Variants in CLVS1 observed in about 807,000 individuals in gnomAD.
The protein encoded by CLVS1 is clavesin-1.
In CLVS1, 10 loss-of-function variants were observed where a neutral mutation model predicts 33.1. The ratio of observed to expected loss-of-function variants is 0.30; its 90% CI spans 0.19 to 0.51. CLVS1 has a LOEUF of 0.51. Ranked by LOEUF, CLVS1 falls within the 20% of genes least tolerant of loss-of-function variation. The pLI is 0.97. For synonymous variants in CLVS1, 163 were observed against 166.1 expected, an observed-to-expected ratio of 0.98 and a Z score of 0.14; for missense variants, 343 against 433.4, an observed-to-expected ratio of 0.79 and a Z score of 1.85.
chr8:61,403,786 T>C (rs1171385017), intron 3 of CLVS1, among the ~76,000 whole-genome samples: 2 of 152,154 alleles, frequency 1.3e-5, no homozygotes, highest in Non-Finnish European at 2.9e-5. Flanking sequence ...AGCAGTTGGA[T>C]TTGTATGTAC....
At chr8:61,212,289 G>T (rs911478120) in intron 2 of CLVS1, among the ~76,000 whole-genome samples, 6 of 152,338 alleles carry the variant, frequency 3.9e-5, no homozygotes, top group African/African-American at 1.4e-4. Context: ...AGAAGGAAGA[G>T]TGCGGATCAA....
intron 2 of CLVS1, among the ~76,000 whole-genome samples, chr8:61,136,765 A>T (rs1806197963): frequency 6.6e-6 from 1 of 152,180 alleles, no homozygotes; most frequent in African/African-American, 2.4e-5. Flanking sequence ...TGATGGAATA[A>T]TCTGTACAGC....
chr8:61,108,973 T>C (rs1028767779), intron 1 of CLVS1, among the ~76,000 whole-genome samples: 1 of 152,180 alleles, frequency 6.6e-6, no homozygotes, highest in African/African-American at 2.4e-5. Flanking sequence ...AGATGCCAGA[T>C]GGAGGGAAAG....
chr8:61,079,569 G>A (rs188529051), intron 1 of CLVS1, among the ~76,000 whole-genome samples: 328 of 152,296 alleles, frequency 2.2e-3, no homozygotes, highest in Middle Eastern at 6.8e-3. Flanking sequence ...TTGCTGCCTG[G>A]TCCTCCCAAG....
chr8:61,383,578 T>C (rs535151783), intron 3 of CLVS1, among the ~76,000 whole-genome samples: 1 of 152,218 alleles, frequency 6.6e-6, no homozygotes, highest in Non-Finnish European at 1.5e-5. Context: ...AGCTGTAATT[T>C]TGAATTTGCA....
intron 2 of CLVS1, among the ~76,000 whole-genome samples, chr8:61,247,225 CT>C (rs989010474): frequency 6.6e-6 from 1 of 152,080 alleles, no homozygotes; most frequent in African/African-American, 2.4e-5. Flanking sequence ...GATTCCATGT[CT>C]TTGATATCAT....
rs1816161313 is a variant in CLVS1, at chr8:61,432,751, A to C, written c.631-21390A>C. Among the ~76,000 whole-genome samples the C allele has an allele frequency of 2.0e-5, 3 of 152,254 alleles. No individual in the cohort carries two copies. The South Asian group carries it at 6.2e-4, about 32-fold the overall frequency. On this transcript the variant is annotated intron_variant, in intron 3 of 5. Coordinates refer to ENST00000325897, the MANE Select transcript of CLVS1 (RefSeq NM_173519.3). ...ACTTGACTCAGTAGTTTGAGACAACAAAGTATAAACCGAAAAGTGACCGAG... is the reference window on the plus strand; with the variant it reads ...ACTTGACTCAGTAGTTTGAGACAACCAAGTATAAACCGAAAAGTGACCGAG...
At chr8:61,455,486 T>C (rs548522414) in intron 4 of CLVS1, among the ~76,000 whole-genome samples, 1 of 152,298 alleles carries the variant, frequency 6.6e-6, no homozygotes, top group East Asian at 1.9e-4. Context: ...GGCTTATTTT[T>C]GTTAATATAA....
chr8:60,980,502 G>A, the CLVS1 span, among the ~76,000 whole-genome samples: 1 of 152,196 alleles, frequency 6.6e-6, no homozygotes, highest in African/African-American at 2.4e-5. Context: ...TTTGGAAAAA[G>A]GGGCCGGGTG....
At chr8:60,978,731 C>A in the CLVS1 span, among the ~76,000 whole-genome samples, 1 of 135,504 alleles carries the variant, frequency 7.4e-6, no homozygotes, top group African/African-American at 2.7e-5. Flanking sequence ...AGGAGAATTG[C>A]TTGAACACGG....
intron 2 of CLVS1, among the ~76,000 whole-genome samples, chr8:61,311,936 A>C (rs1810846056): frequency 6.6e-6 from 1 of 152,218 alleles, no homozygotes; most frequent in African/African-American, 2.4e-5. Context: ...AAAAGAGGGC[A>C]TGTAGAAAGG....
chr8:61,477,463 G>T (rs974265367), intron 5 of CLVS1, among the ~76,000 whole-genome samples: 9 of 152,112 alleles, frequency 5.9e-5, no homozygotes, highest in South Asian at 4.1e-4. Context: ...ATTAATTATT[G>T]CCTCAATTCA....
intron 1 of CLVS1, among the ~76,000 whole-genome samples, chr8:61,086,078 T>G (rs1183077789): frequency 9.3e-6 from 1 of 106,970 alleles, no homozygotes. Context: ...AAAAAAAAAA[T>G]TAGCTTGTTG....
chr8:61,250,499 A>G (rs555466210), intron 2 of CLVS1, among the ~76,000 whole-genome samples: 4 of 152,064 alleles, frequency 2.6e-5, no homozygotes, highest in African/African-American at 9.7e-5. Context: ...ATCATAAATT[A>G]CTCTGGGCAG....
chr8:61,049,685 C>T, the CLVS1 span, among the ~76,000 whole-genome samples: 2 of 152,310 alleles, frequency 1.3e-5, no homozygotes, highest in East Asian at 3.9e-4. Context: ...CACATGATTA[C>T]ACCAAGAAAG....
At chr8:61,493,910 A>G (rs1331291086) in intron 5 of CLVS1, among the ~76,000 whole-genome samples, 1 of 152,154 alleles carries the variant, frequency 6.6e-6, no homozygotes, top group East Asian at 1.9e-4. Flanking sequence ...TGGGTGCTCT[A>G]TGACTCTTGG....
At chr8:61,471,742 C>T (rs1817744395) in intron 5 of CLVS1, among the ~76,000 whole-genome samples, 1 of 152,254 alleles carries the variant, frequency 6.6e-6, no homozygotes, top group Non-Finnish European at 1.5e-5. Context: ...AGTCCCCTCC[C>T]AGTCTGAGCC....
chr8:61,259,164 G>A (rs1045673698), intron 2 of CLVS1, among the ~76,000 whole-genome samples: 6 of 152,136 alleles, frequency 3.9e-5, no homozygotes, highest in Non-Finnish European at 4.4e-5. Context: ...TAACTCCAGC[G>A]AGCACATCTA....
intron 2 of CLVS1, among the ~76,000 whole-genome samples, chr8:61,352,766 T>C (rs1812521435): frequency 1.3e-5 from 2 of 151,548 alleles, no homozygotes; most frequent in African/African-American, 4.8e-5. Flanking sequence ...TCAAAAACAT[T>C]TGAACAAAAA....
Sources: gnomAD v4.1 joint callset for allele counts (sites outside exome capture counted in the v4.1 genomes callset) on GRCh38, gnomAD v4.1.1 for gene constraint, MANE v1.5 for transcripts, NCBI Gene and HGNC (gene_info 2026-07-23, HGNC 2026-07-21) for gene names.